Variants in FER1L5 observed in about 807,000 individuals in gnomAD.
The protein encoded by FER1L5 is fer-1 like family member 5, also known as fer-1-like protein 5.
Under a neutral mutation model 279.9 loss-of-function variants are expected in FER1L5, and 187 were observed. The observed-to-expected ratio is 0.67, with a 90% confidence interval of 0.59 to 0.75. The LOEUF is 0.75. Among genes scored for constraint, FER1L5 ranks in the 30% least tolerant of loss-of-function variants. FER1L5 has a pLI of 0.00. For synonymous variants in FER1L5, 921 were observed against 989.7 expected, an observed-to-expected ratio of 0.93 and a Z score of 1.30; for missense variants, 2,091 against 2,594.4, an observed-to-expected ratio of 0.81 and a Z score of 4.21.
In FER1L5 at chr2:96,684,693, A is replaced by G. The variant is rs1379338195; in HGVS notation, c.1794+242A>G. 2.6e-5 allele frequency among the ~76,000 whole-genome samples: 4 copies of G among 152,186 alleles called. No individual in the cohort carries two copies. In the South Asian group the frequency reaches 8.3e-4, roughly 32 times the overall value. On this transcript the variant is annotated intron_variant, in intron 20 of 52. Transcript: ENST00000624922. ...CATGCAGGCAGTGACTGTGCAGTGC[A>G]ACTAGGGCTATGATGGAGATGCAGG...
At chr2:96,703,411 T>A (rs1430998095) in intron 50 of FER1L5, 65 bp downstream of exon 50, 2 of 1,598,062 alleles carry the variant, frequency 1.3e-6, no homozygotes, top group African/African-American at 2.7e-5. Context: ...CTAACAGACA[T>A]CTAGGGACCT....
At chr2:96,648,367 G>A (rs567269736) in intron 4 of FER1L5, among the ~76,000 whole-genome samples, 20 of 152,318 alleles carry the variant, frequency 1.3e-4, no homozygotes, top group East Asian at 9.6e-4. Context: ...CAAGGGACTC[G>A]GTCATCGTCA....
intron 9 of FER1L5, among the ~76,000 whole-genome samples, chr2:96,659,290 TTTCCTTCC>T (rs1179676955): frequency 7.8e-4 from 63 of 81,006 alleles, no homozygotes; most frequent in African/African-American, 1.7e-3. Context: ...TTTATCAAGC[TTTCCTTCC>T]TTCCTTCCTT....
chr2:96,682,509 A>G (rs574951731), intron 19 of FER1L5, among the ~76,000 whole-genome samples: 24 of 152,264 alleles, frequency 1.6e-4, no homozygotes, highest in Admixed American at 5.2e-4. Flanking sequence ...TCTGTTGGGC[A>G]TATACAGGAG....
chr2:96,663,568 G>C (rs2076025405), intron 14 of FER1L5, 61 bp downstream of exon 14: 12 of 1,532,958 alleles, frequency 7.8e-6, no homozygotes, highest in Non-Finnish European at 1.1e-5. Flanking sequence ...AGGGAAGTTT[G>C]GATGATTGTG....
Position 96,697,734 on chromosome 2 carries a change from C to A in FER1L5, c.4209C>A (p.Tyr1403Ter), listed in dbSNP as rs1049272674. The A allele has an allele frequency of 2.5e-6, 4 of 1,613,872 alleles. No individual in the cohort carries two copies. In the Admixed American group the frequency reaches 6.7e-5, roughly 27 times the overall value. Residue 1403 changes from tyrosine to a stop codon, truncating the protein, a stop_gained, in exon 39 of 53, where the codon TAC becomes TAA. Transcript: ENST00000624922. LOFTEE classifies it high-confidence loss of function. ...CAGATGAGCACAAGTCCCTGAAGTA[C>A]AAGTACAAAGACTACCACACCCTCA... The part of the protein sequence containing the change: ...WATDEHKSLK[Y>*]KYKDYHTLKV...
At chr2:96,655,510 T>G (rs1245465555) in intron 9 of FER1L5, among the ~76,000 whole-genome samples, 3 of 152,172 alleles carry the variant, frequency 2.0e-5, no homozygotes, top group African/African-American at 7.2e-5. Context: ...GCATCTTCTG[T>G]TTTTGTTTAC....
At chr2:96,669,792 A>C (rs923827081) in intron 17 of FER1L5, among the ~76,000 whole-genome samples, 1 of 152,174 alleles carries the variant, frequency 6.6e-6, no homozygotes, top group African/African-American at 2.4e-5. Context: ...CCCGTGGCTC[A>C]CAGTTGCCAA....
chr2:96,659,350 C>CTTCTTTCCTTCT (rs2075771910), intron 9 of FER1L5, among the ~76,000 whole-genome samples: 1 of 74,960 alleles, frequency 1.3e-5, no homozygotes, highest in East Asian at 4.8e-4. Context: ...TCCTTCCTTC[C>CTTCTTTCCTTCT]TTCCTTCCTT....
chr2:96,694,316 G>T lies in FER1L5; in HGVS notation c.3637-44G>T, dbSNP rs754422119. 13 of 1,499,234 alleles carry T rather than the reference G, an allele frequency of 8.7e-6. No homozygotes were observed. In the South Asian group the frequency reaches 1.4e-4, roughly 17 times the overall value. The allele number at this position is 1,499,234 out of a possible 1,614,324, so 92.9% of individuals were successfully genotyped here. On this transcript the variant is annotated intron_variant, in intron 33 of 52. Coordinates refer to ENST00000624922, the MANE Select transcript of FER1L5 (RefSeq NM_001293083.2). The surrounding 1 kb of genome is among the most constrained non-coding windows in gnomAD (Gnocchi z 4.6). The stretch of plus-strand genomic sequence containing the variant: ...CCTGCTTGAGGTGAGGGTGAGGGCA[G>T]CAGGACCAGCCCAGAGGGCCTCATG...
intron 9 of FER1L5, 94 bp from the exon 10 acceptor site, chr2:96,660,247 A>G (rs1208964685): frequency 1.6e-6 from 2 of 1,285,260 alleles, no homozygotes; most frequent in Admixed American, 4.0e-5. Flanking sequence ...AACATACTGA[A>G]GCCCCAACAG....
At chr2:96,677,269 C>T (rs955656295) in intron 19 of FER1L5, among the ~76,000 whole-genome samples, 1 of 152,144 alleles carries the variant, frequency 6.6e-6, no homozygotes, top group Admixed American at 6.5e-5. Flanking sequence ...CCACAGAATT[C>T]TCTTGCTTTG....
rs1314626049 is a variant in FER1L5 at position 96,694,676 on chromosome 2, T to C, written c.3741+212T>C. On this transcript the variant is annotated intron_variant, in intron 34 of 52. Coordinates refer to ENST00000624922, the MANE Select transcript of FER1L5 (RefSeq NM_001293083.2). This position sits in a 1 kb window ranked among gnomAD's most constrained non-coding sequence, Gnocchi z 4.6. The stretch of plus-strand genomic sequence containing the variant: ...TACCACAAACCTCTGCAGTGAGGAG[T>C]AGGCAAAGGGCTGTAGCATGCATGA... 2.7e-5 allele frequency: 12 copies of C among 450,324 alleles called. No individual in the cohort carries two copies. Among genetic ancestry groups the C allele is most frequent in the African/African-American group, 2.4e-4 (12 of 50,002 alleles). 27.9% of individuals were successfully genotyped at this position (450,324 alleles called of 1,614,324 possible). A position where few individuals can be genotyped will look rare whatever the true frequency, so the allele number is the denominator to read the frequency against.
At chr2:96,655,567 T>G (rs552637794) in intron 9 of FER1L5, among the ~76,000 whole-genome samples, 15 of 152,214 alleles carry the variant, frequency 9.9e-5, no homozygotes, top group South Asian at 8.3e-4. Context: ...GAAAAAAACA[T>G]AGAGAGACAG....
At chr2:96,654,564 A>G in intron 9 of FER1L5, 68 bp downstream of exon 9, 1 of 398,392 alleles carries the variant, frequency 2.5e-6, no homozygotes, top group African/African-American at 2.1e-5. Context: ...GCTGGGCTCC[A>G]TGCCCAAGTC....
chr2:96,647,129 G>A lies in FER1L5; in HGVS notation c.204G>A (p.Gln68=). ...ACTCCTTCCTGCAAGTCACCCTTCAGGACATGGGCTCACAAAAGAAAGAAA... is the reference window on the plus strand; with the variant it reads ...ACTCCTTCCTGCAAGTCACCCTTCAAGACATGGGCTCACAAAAGAAAGAAA... ...ENDSFLQVTL[Q]DMGSQKKERF... is the part of the protein sequence containing the mutation. The change falls in exon 3 of 53, where the codon CAG becomes CAA. Residue 68 remains glutamine (Q), a synonymous_variant. Transcript: ENST00000624922. 6.4e-7 allele frequency: 1 copy of A among 1,551,656 alleles called. No homozygotes were observed. Among genetic ancestry groups the A allele is most frequent in the East Asian group, 2.4e-5 (1 of 40,914 alleles).
In FER1L5 at chr2:96,689,760, T is replaced by C. The variant is rs1352522675; in HGVS notation, c.2640+2T>C. 1 of 1,545,394 alleles carries C rather than the reference T, an allele frequency of 6.5e-7. No individual in the cohort carries two copies. Among genetic ancestry groups the C allele is most frequent in the Non-Finnish European group, 8.7e-7 (1 of 1,144,638 alleles). On this transcript the variant is annotated splice_donor_variant, in intron 26 of 52. Transcript: ENST00000624922. LOFTEE classifies it high-confidence loss of function. The surrounding 1 kb of genome is among the most constrained non-coding windows in gnomAD (Gnocchi z 4.6). ...GCCGCCATCCCAAACACAGACGTGGTGAGCAGGGCCGAAGCTGCCTCGGGT... is the reference window on the plus strand; with the variant it reads ...GCCGCCATCCCAAACACAGACGTGGCGAGCAGGGCCGAAGCTGCCTCGGGT...
intron 1 of FER1L5, among the ~76,000 whole-genome samples, chr2:96,644,212 CTCACACCTGTAA>C (rs2075017717): frequency 6.7e-6 from 1 of 149,618 alleles, no homozygotes; most frequent in Non-Finnish European, 1.5e-5. Context: ...GGCATGGTGG[CTCACACCTGTAA>C]TCCCAGCGCT....
In FER1L5 at chr2:96,698,057, G is replaced by A; in HGVS notation, c.4257G>A (p.Glu1419=). 6.3e-7 allele frequency: 1 copy of A among 1,580,378 alleles called. No individual in the cohort carries two copies. Among genetic ancestry groups the A allele is most frequent in the South Asian group, 1.2e-5 (1 of 85,950 alleles). ...TGCAGGTGTATGAGTGTGAGCTGGA[G>A]GCCGTGCCAGCCTTCCAGGGCCTGC... The part of the protein sequence containing the change: ...HTLKVYECEL[E]AVPAFQGLQD... Residue 1419 remains glutamate (E), a synonymous_variant, in exon 40 of 53, where the codon GAG becomes GAA. Coordinates refer to ENST00000624922, the MANE Select transcript of FER1L5 (RefSeq NM_001293083.2). This position sits in a 1 kb window ranked among gnomAD's most constrained non-coding sequence, Gnocchi z 5.5.
Sources: gnomAD v4.1 joint callset for allele counts (sites outside exome capture counted in the v4.1 genomes callset) on GRCh38, gnomAD v4.1.1 for gene constraint, Gnocchi (gnomAD v3.1) non-coding constraint, MANE v1.5 for transcripts, NCBI Gene and HGNC (gene_info 2026-07-23, HGNC 2026-07-21) for gene names.